Variants in UTRN observed in about 807,000 individuals in gnomAD.
The protein encoded by UTRN is dystrophin-related protein 1.
A neutral mutation model predicts 463.9 loss-of-function variants in UTRN; 283 were observed. The observed-to-expected ratio is 0.61, with a 90% CI of 0.55 to 0.67. UTRN has a LOEUF of 0.67. Among genes scored for constraint, UTRN ranks in the 30% least tolerant of loss-of-function variants. UTRN has a pLI of 0.00. For synonymous variants in UTRN, 1,442 were observed against 1,431.5 expected (o/e 1.01, Z -0.17); for missense variants, 3,922 against 4,084.3 (o/e 0.96, Z 1.08).
chr6:144,789,123 A>G (rs1776543207), intron 61 of UTRN, 71 bp from the exon 62 acceptor site: 1 of 1,225,220 alleles, frequency 8.2e-7, no homozygotes, highest in South Asian at 1.4e-5. Context: ...GAAAATAGAT[A>G]TTCAGAAACA....
intron 51 of UTRN, among the ~76,000 whole-genome samples, chr6:144,654,259 G>A (rs1198386775): frequency 6.6e-6 from 1 of 152,212 alleles, no homozygotes; most frequent in African/African-American, 2.4e-5. Flanking sequence ...ATGGTTCAGA[G>A]TTGAAGCAGT....
At chr6:144,598,162 G>A (rs1003465712) in intron 51 of UTRN, among the ~76,000 whole-genome samples, 2 of 152,216 alleles carry the variant, frequency 1.3e-5, no homozygotes, top group African/African-American at 4.8e-5. Context: ...AGCCCCAGGA[G>A]ATCCTGATAA....
chr6:144,633,445 A>G (rs868343629), intron 51 of UTRN, among the ~76,000 whole-genome samples: 1 of 151,696 alleles, frequency 6.6e-6, no homozygotes, highest in Non-Finnish European at 1.5e-5. Flanking sequence ...TTTTAGCCAG[A>G]ATGATCTCGA....
Position 144,753,132 on chromosome 6 carries a change from T to C in UTRN, c.8355+1180T>C, listed in dbSNP as rs560521915. 5.3e-5 allele frequency among the ~76,000 whole-genome samples: 8 copies of C among 152,328 alleles called. No homozygotes were observed. In the South Asian group the frequency reaches 1.4e-3, roughly 28 times the overall value. On this transcript the variant is annotated intron_variant, in intron 56 of 74. Coordinates refer to ENST00000367545, the MANE Select transcript of UTRN (RefSeq NM_007124.3). The stretch of plus-strand genomic sequence containing the variant: ...TCCAGGGAATCAGACATACACAGTT[T>C]CATTTAAGGACAGCTGCAAATGAGA...
intron 51 of UTRN, among the ~76,000 whole-genome samples, chr6:144,627,165 G>A (rs1246275788): frequency 6.6e-6 from 1 of 151,634 alleles, no homozygotes; most frequent in Non-Finnish European, 1.5e-5. Flanking sequence ...GGGATAGGAG[G>A]GTGGGGTGGG....
At chr6:144,671,717 G>A (rs1163158335) in intron 51 of UTRN, among the ~76,000 whole-genome samples, 1 of 152,102 alleles carries the variant, frequency 6.6e-6, no homozygotes, top group African/African-American at 2.4e-5. Context: ...GATGAAAGTG[G>A]ACATCCTTGT....
intron 51 of UTRN, among the ~76,000 whole-genome samples, chr6:144,618,712 C>A (rs1427912101): frequency 6.6e-6 from 1 of 151,986 alleles, no homozygotes; most frequent in Non-Finnish European, 1.5e-5. Flanking sequence ...ATAACCTTTT[C>A]CCAGTTCTTT....
chr6:144,339,454 CTATGTGA>C (rs1369295154), intron 2 of UTRN, among the ~76,000 whole-genome samples: 6 of 151,974 alleles, frequency 3.9e-5, no homozygotes, highest in African/African-American at 1.5e-4. Flanking sequence ...AGATTTGCAT[CTATGTGA>C]ATTGTCTGGT....
intron 55 of UTRN, among the ~76,000 whole-genome samples, chr6:144,748,931 T>C (rs1355086772): frequency 1.3e-5 from 2 of 152,174 alleles, no homozygotes; most frequent in African/African-American, 2.4e-5. Flanking sequence ...TGCAGAATTG[T>C]GTCCATATGG....
chr6:144,451,665 A>G (rs560070115), intron 18 of UTRN, among the ~76,000 whole-genome samples, 172 bp downstream of exon 18: 1 of 149,800 alleles, frequency 6.7e-6, no homozygotes, highest in East Asian at 1.9e-4. Flanking sequence ...GCTAGCTGTC[A>G]TCAGATCCCT....
chr6:144,465,677 C>T (rs564952749), intron 23 of UTRN, among the ~76,000 whole-genome samples: 5 of 152,032 alleles, frequency 3.3e-5, no homozygotes, highest in Non-Finnish European at 7.4e-5. Flanking sequence ...TACTTAACTA[C>T]TCATGATTTA....
intron 43 of UTRN, 108 bp downstream of exon 43, chr6:144,533,368 A>G (rs1401173386): frequency 6.8e-7 from 1 of 1,480,722 alleles, no homozygotes; most frequent in Non-Finnish European, 9.0e-7. Flanking sequence ...TATAATAGGA[A>G]TTTTACTGAC....
rs146894562 is a variant in UTRN, at chr6:144,844,655, G to A, written c.10271-2150G>A. On this transcript the variant is annotated intron_variant, in intron 73 of 74. Transcript: ENST00000367545. ...AGCATTCCTAGATAGTACTCAGAAC[G>A]TTTTGTAGGATTCATTTGTTCTTTT... Among the ~76,000 whole-genome samples, 9 of 152,232 alleles carry A rather than the reference G, an allele frequency of 5.9e-5. No individual in the cohort carries two copies. In the East Asian group the frequency reaches 1.5e-3, roughly 26 times the overall value.
intron 51 of UTRN, among the ~76,000 whole-genome samples, chr6:144,599,859 A>G (rs1393273036): frequency 6.6e-6 from 1 of 152,146 alleles, no homozygotes; most frequent in Non-Finnish European, 1.5e-5. Flanking sequence ...ATTTTTACAA[A>G]TTGAAAGTTT....
chr6:144,616,406 G>T (rs892266504), intron 51 of UTRN, among the ~76,000 whole-genome samples: 5 of 152,030 alleles, frequency 3.3e-5, no homozygotes, highest in Admixed American at 2.0e-4. Flanking sequence ...GAATCCTTTG[G>T]ATTAAGCTAC....
At chr6:144,612,235 A>G (rs930937879) in intron 51 of UTRN, among the ~76,000 whole-genome samples, 4 of 152,218 alleles carry the variant, frequency 2.6e-5, no homozygotes, top group Admixed American at 2.6e-4. Flanking sequence ...CAAATGGATT[A>G]AAGACTTAAA....
At chr6:144,815,217 A>C (rs1375420393) in intron 65 of UTRN, among the ~76,000 whole-genome samples, 1 of 152,248 alleles carries the variant, frequency 6.6e-6, no homozygotes, top group African/African-American at 2.4e-5. Flanking sequence ...AAACCATTTC[A>C]TGATACTGAA....
intron 58 of UTRN, among the ~76,000 whole-genome samples, chr6:144,761,676 AAGAG>A (rs915324649): frequency 5.3e-5 from 8 of 151,868 alleles, no homozygotes; most frequent in Non-Finnish European, 1.0e-4. Flanking sequence ...ATAATAAATA[AAGAG>A]AGAGAGAAAA....
intron 51 of UTRN, among the ~76,000 whole-genome samples, chr6:144,656,942 A>G (rs972629479): frequency 2.0e-4 from 31 of 152,194 alleles, no homozygotes; most frequent in African/African-American, 7.0e-4. Flanking sequence ...TGAGTTTTGT[A>G]CTCTTTCTTC....
Sources: allele counts gnomAD v4.1 joint callset (sites outside exome capture counted in the v4.1 genomes callset), GRCh38; gene constraint gnomAD v4.1.1; transcripts MANE v1.5; gene names NCBI Gene and HGNC (gene_info 2026-07-23, HGNC 2026-07-21).